The following PPARGC1A variants were observed in gnomAD, a reference collection of about 807,000 sequenced individuals.
The protein encoded by PPARGC1A is peroxisome proliferator-activated receptor gamma coactivator 1-alpha.
PPARGC1A carries 25 observed loss-of-function variants against 88.7 expected under a neutral mutation model. The ratio of observed to expected loss-of-function variants is 0.28; its 90% CI spans 0.21 to 0.39. The LOEUF (loss-of-function observed/expected upper bound fraction) is 0.39. Ranked by LOEUF, PPARGC1A falls within the 10% of genes least tolerant of loss-of-function variation. PPARGC1A has a pLI of 1.00. For synonymous variants in PPARGC1A, 363 were observed against 355.6 expected (o/e 1.02, Z -0.24); for missense variants, 880 against 968.7 (o/e 0.91, Z 1.22).
intron 2 of PPARGC1A, among the ~76,000 whole-genome samples, chr4:23,875,367 C>G (rs1241731944): frequency 1.3e-5 from 2 of 152,050 alleles, no homozygotes; most frequent in Admixed American, 1.3e-4. Flanking sequence ...AATCCTGGCT[C>G]TCTTCTGAAA....
the PPARGC1A span, among the ~76,000 whole-genome samples, chr4:24,443,079 C>T: frequency 1.3e-5 from 2 of 152,088 alleles, no homozygotes; most frequent in African/African-American, 4.8e-5. Flanking sequence ...TTCCTGGGAT[C>T]ACATTTCTAA....
the PPARGC1A span, among the ~76,000 whole-genome samples, chr4:24,083,573 T>C: frequency 6.6e-6 from 1 of 152,134 alleles, no homozygotes; most frequent in Non-Finnish European, 1.5e-5. Context: ...AACTCAGTGA[T>C]CCTTAGGGTG....
chr4:23,838,158 T>C (rs987677461), intron 2 of PPARGC1A, among the ~76,000 whole-genome samples: 1 of 152,194 alleles, frequency 6.6e-6, no homozygotes, highest in African/African-American at 2.4e-5. Flanking sequence ...TGCTTATAGG[T>C]TGTTAAGTAT....
chr4:24,215,338 AT>A, the PPARGC1A span, among the ~76,000 whole-genome samples: 1 of 152,198 alleles, frequency 6.6e-6, no homozygotes, highest in Non-Finnish European at 1.5e-5. Context: ...GCTTTATGTG[AT>A]CAGCTTAGGA....
At chr4:23,846,749 G>A (rs565673344) in intron 2 of PPARGC1A, among the ~76,000 whole-genome samples, 162 of 152,240 alleles carry the variant, frequency 1.1e-3, no homozygotes, top group Non-Finnish European at 2.0e-3. Context: ...AGCTTATTCT[G>A]TTGGGGGAAG....
At chr4:24,452,425 A>G in the PPARGC1A span, among the ~76,000 whole-genome samples, 1 of 152,164 alleles carries the variant, frequency 6.6e-6, no homozygotes, top group Non-Finnish European at 1.5e-5. Context: ...GGGAGGTCTA[A>G]GAAGTTCTAC....
At chr4:24,436,480 T>C in the PPARGC1A span, among the ~76,000 whole-genome samples, 4 of 150,742 alleles carry the variant, frequency 2.7e-5, no homozygotes, top group Non-Finnish European at 4.4e-5. Context: ...GTCACACAGC[T>C]GACATCAATT....
At chr4:23,816,970 C>T (rs2109505483) in intron 7 of PPARGC1A, among the ~76,000 whole-genome samples, 1 of 152,258 alleles carries the variant, frequency 6.6e-6, no homozygotes, top group East Asian at 1.9e-4. Context: ...ATTTCAGCAG[C>T]CCAAGAATCA....
At chr4:24,258,774 C>T in the PPARGC1A span, among the ~76,000 whole-genome samples, 2 of 152,122 alleles carry the variant, frequency 1.3e-5, no homozygotes, top group South Asian at 2.1e-4. Context: ...GAAGTAATTT[C>T]GTTAACAACA....
intron 10 of PPARGC1A, among the ~76,000 whole-genome samples, chr4:23,810,965 CGTAA>C (rs1359693417): frequency 6.6e-6 from 1 of 152,130 alleles, no homozygotes; most frequent in Admixed American, 6.6e-5. Context: ...CATTAGTCTT[CGTAA>C]GTGTTAACTA....
chr4:24,243,688 A>T, the PPARGC1A span, among the ~76,000 whole-genome samples: 1 of 152,166 alleles, frequency 6.6e-6, no homozygotes, highest in Non-Finnish European at 1.5e-5. Flanking sequence ...TGAAAGAGAG[A>T]TGTCAAAGAT....
At chr4:24,328,957 G>A in the PPARGC1A span, among the ~76,000 whole-genome samples, 4 of 152,170 alleles carry the variant, frequency 2.6e-5, no homozygotes, top group Non-Finnish European at 5.9e-5. Context: ...CAATTCCGTT[G>A]AACCTTCCAC....
the PPARGC1A span, among the ~76,000 whole-genome samples, chr4:24,360,222 C>G: frequency 6.6e-6 from 1 of 152,158 alleles, no homozygotes; most frequent in Non-Finnish European, 1.5e-5. Context: ...CCACCACGGT[C>G]CATTTTCCAC....
the PPARGC1A span, among the ~76,000 whole-genome samples, chr4:24,012,399 T>G: frequency 6.6e-6 from 1 of 152,108 alleles, no homozygotes; most frequent in African/African-American, 2.4e-5. Flanking sequence ...TGATTTCTAC[T>G]ATTCACTCTT....
At chr4:23,899,817 A>G (rs1341679441), upstream of PPARGC1A, among the ~76,000 whole-genome samples, 1 of 152,178 alleles carries the variant, frequency 6.6e-6, no homozygotes, top group Non-Finnish European at 1.5e-5. Flanking sequence ...AGGCTCCAGC[A>G]AGCTAGTTAG....
the PPARGC1A span, among the ~76,000 whole-genome samples, chr4:24,094,922 A>T: frequency 2.6e-5 from 4 of 152,172 alleles, no homozygotes; most frequent in Non-Finnish European, 4.4e-5. Flanking sequence ...CGACACTGAC[A>T]TTTCAAGAAC....
At chr4:24,143,564 T>C in the PPARGC1A span, among the ~76,000 whole-genome samples, 3,976 of 152,270 alleles carry the variant, frequency 0.026, 170 homozygotes, top group African/African-American at 0.09. Flanking sequence ...AAATAGCTTT[T>C]GTAACAAAAA....
chr4:24,041,449 G>A, the PPARGC1A span, among the ~76,000 whole-genome samples: 1 of 151,688 alleles, frequency 6.6e-6, no homozygotes, highest in East Asian at 1.9e-4. Context: ...GCCTCCCACT[G>A]TTGCTAGCCC....
At chr4:23,853,406 G>T (rs1000513674) in intron 2 of PPARGC1A, among the ~76,000 whole-genome samples, 7 of 151,922 alleles carry the variant, frequency 4.6e-5, no homozygotes, top group Non-Finnish European at 1.0e-4. Flanking sequence ...TGAAAATAAA[G>T]ACTTCCTAAG....
Sources: gnomAD v4.1 joint callset for allele counts (sites outside exome capture counted in the v4.1 genomes callset) on GRCh38, gnomAD v4.1.1 for gene constraint, MANE v1.5 for transcripts, NCBI Gene and HGNC (gene_info 2026-07-23, HGNC 2026-07-21) for gene names.